The following ABCC3 variants were observed in gnomAD, a reference collection of about 807,000 sequenced individuals.
ABCC3 encodes the protein ATP binding cassette subfamily C member 3.
ABCC3 carries 121 observed loss-of-function variants against 165.3 expected under a neutral mutation model. The observed-to-expected ratio is 0.73, with a 90% CI of 0.63 to 0.85. ABCC3 has a LOEUF of 0.85. Ranked by LOEUF, ABCC3 falls within the 40% of genes least tolerant of loss-of-function variation. The probability of loss-of-function intolerance (pLI) is 0.00; values close to 1 mark genes in which losing one functional copy is unlikely to be tolerated. For synonymous variants in ABCC3, 733 were observed against 810.1 expected, an observed-to-expected ratio of 0.90 and a Z score of 1.62; for missense variants, 1,869 against 1,964.1, an observed-to-expected ratio of 0.95 and a Z score of 0.92.
chr17:50,652,270 G>A (rs1307157410), intron 1 of ABCC3, among the ~76,000 whole-genome samples: 2 of 152,144 alleles, frequency 1.3e-5, no homozygotes, highest in African/African-American at 2.4e-5. Flanking sequence ...CCATGTTCCA[G>A]GTACAGTAAT....
intron 1 of ABCC3, among the ~76,000 whole-genome samples, chr17:50,642,341 G>A (rs752527970): frequency 1.4e-4 from 21 of 152,222 alleles, no homozygotes; most frequent in Admixed American, 7.2e-4. Flanking sequence ...GCCTCCTAGG[G>A]AGGGCCCTGC....
chr17:50,651,036 G>A (rs1208808798), intron 1 of ABCC3, among the ~76,000 whole-genome samples: 1 of 142,590 alleles, frequency 7.0e-6, no homozygotes, highest in Non-Finnish European at 1.5e-5. Context: ...CTGCACTCCA[G>A]CCTGGGTGAC....
At chr17:50,658,260 C>A in intron 5 of ABCC3, 53 bp downstream of exon 5, 1 of 1,613,136 alleles carries the variant, frequency 6.2e-7, no homozygotes, top group African/African-American at 1.3e-5. Flanking sequence ...CTCAGCCCAA[C>A]TCTGACCAGC....
chr17:50,678,116 T>C lies in ABCC3; in HGVS notation c.3602T>C (p.Phe1201Ser). The change falls in exon 25 of 31, where the codon TTC becomes TCC. Residue 1201 changes from phenylalanine to serine, a missense_variant. Coordinates refer to ENST00000285238, the MANE Select transcript of ABCC3 (RefSeq NM_003786.4). ...AGGTGGCTGAGCATCGGAGTGGAGT[T>C]CGTGGGGAACTGCGTGGTGCTCTTT... Reference protein sequence around the residue: ...SNRWLSIGVEFVGNCVVLFAA... With the variant: ...SNRWLSIGVESVGNCVVLFAA... The C allele has an allele frequency of 6.3e-7, 1 of 1,594,864 alleles. No homozygotes were observed. Among genetic ancestry groups the C allele is most frequent in the Non-Finnish European group, 8.6e-7 (1 of 1,169,380 alleles).
At chr17:50,671,396 A>G (rs1967643571) in intron 17 of ABCC3, among the ~76,000 whole-genome samples, 1 of 151,944 alleles carries the variant, frequency 6.6e-6, no homozygotes, top group Non-Finnish European at 1.5e-5. Flanking sequence ...CTATTAAGCA[A>G]CTCCTCATTC....
chr17:50,668,716 C>T (rs996612593), intron 14 of ABCC3, 137 bp from the exon 15 acceptor site: 2 of 816,294 alleles, frequency 2.5e-6, no homozygotes, highest in South Asian at 1.6e-5. Flanking sequence ...TCCCTTTCTT[C>T]CTCCCTTTTC....
chr17:50,674,157 C>G (rs1433337254), intron 19 of ABCC3: 1 of 151,166 alleles, frequency 6.6e-6, no homozygotes, highest in Non-Finnish European at 1.5e-5. Context: ...ACCTCTGCCT[C>G]CCAGGTTCAA....
chr17:50,671,970 C>T (rs776767938), intron 17 of ABCC3, among the ~76,000 whole-genome samples: 1 of 152,008 alleles, frequency 6.6e-6, no homozygotes, highest in Non-Finnish European at 1.5e-5. Flanking sequence ...GATCCACCCA[C>T]CTCGACCTCC....
Position 50,685,725 on chromosome 17 carries a change from T to C in ABCC3, c.4280+850T>C, listed in dbSNP as rs548123131. Among the ~76,000 whole-genome samples the C allele has an allele frequency of 4.9e-3, 739 of 152,356 alleles. 4 individuals carry two copies. Among genetic ancestry groups the C allele is most frequent in the Non-Finnish European group, 7.2e-3 (489 of 68,028 alleles). On this transcript the variant is annotated intron_variant, in intron 29 of 30. Transcript: ENST00000285238. ...CCACATGGGGCCAGTGGCTACCACC[T>C]GGACAGAGCAGTGTTAGGGTCAGTG... is the stretch of plus-strand genomic sequence containing the variant.
At chr17:50,647,634 A>C (rs1967027496) in intron 1 of ABCC3, among the ~76,000 whole-genome samples, 2 of 152,196 alleles carry the variant, frequency 1.3e-5, no homozygotes, top group African/African-American at 2.4e-5. Flanking sequence ...GACAGCAAGG[A>C]ATGCTTGCCA....
chr17:50,679,791 T>C lies in ABCC3; in HGVS notation c.3706-7T>C. Reference sequence around the variant, plus strand: ...CGCCATACGTATAACCCAGTCCCTTTGGCCAGGTGACATTTGCTCTGAACT... The same window carrying C: ...CGCCATACGTATAACCCAGTCCCTTCGGCCAGGTGACATTTGCTCTGAACT... On this transcript the variant is annotated splice_region_variant and splice_polypyrimidine_tract_variant and intron_variant, in intron 25 of 30. Coordinates refer to ENST00000285238, the MANE Select transcript of ABCC3 (RefSeq NM_003786.4). The C allele has an allele frequency of 6.2e-7, 1 of 1,613,754 alleles. No individual in the cohort carries two copies. Among genetic ancestry groups the C allele is most frequent in the Non-Finnish European group, 8.5e-7 (1 of 1,179,672 alleles).
At chr17:50,647,067 C>T (rs1335775111) in intron 1 of ABCC3, among the ~76,000 whole-genome samples, 3 of 152,184 alleles carry the variant, frequency 2.0e-5, no homozygotes, top group African/African-American at 4.8e-5. Context: ...TTAGTAGAGA[C>T]GGGATTTCAC....
intron 1 of ABCC3, among the ~76,000 whole-genome samples, chr17:50,636,414 T>C (rs1253154225): frequency 6.6e-6 from 1 of 152,154 alleles, no homozygotes; most frequent in Non-Finnish European, 1.5e-5. Context: ...TCTCTCTTTT[T>C]CTGTGGGTGA....
At chr17:50,648,225 T>C (rs1001832274) in intron 1 of ABCC3, among the ~76,000 whole-genome samples, 5 of 151,896 alleles carry the variant, frequency 3.3e-5, no homozygotes, top group Non-Finnish European at 7.4e-5. Context: ...TTTTGGAAAG[T>C]GAGAAACAGG....
At chr17:50,658,056 T>TGAC (rs760355365) in intron 4 of ABCC3, 26 bp from the exon 5 acceptor site, 3 of 1,613,960 alleles carry the variant, frequency 1.9e-6, no homozygotes, top group Non-Finnish European at 2.5e-6. Flanking sequence ...CCAGTGCTTC[T>TGAC]GACGCCCCTC....
At chr17:50,650,421 T>C (rs1236588417) in intron 1 of ABCC3, among the ~76,000 whole-genome samples, 1 of 152,184 alleles carries the variant, frequency 6.6e-6, no homozygotes, top group East Asian at 1.9e-4. Flanking sequence ...ACTTTTATTC[T>C]TAAAAAACTT....
At chr17:50,654,285 A>T (rs537154759) in intron 1 of ABCC3, among the ~76,000 whole-genome samples, 3 of 152,318 alleles carry the variant, frequency 2.0e-5, no homozygotes, top group African/African-American at 7.2e-5. Context: ...TGCATCTCTA[A>T]AAAACATCTA....
In ABCC3 at chr17:50,669,370, C is replaced by A. The variant is rs1320362406; in HGVS notation, c.2083C>A (p.Pro695Thr). 6.2e-7 allele frequency: 1 copy of A among 1,614,226 alleles called. No individual in the cohort carries two copies. The highest frequency in any genetic ancestry group is 8.5e-7 in the Non-Finnish European group (1 of 1,180,040). Residue 695 changes from proline to threonine, a missense_variant, in exon 17 of 31, where the codon CCC becomes ACC. Transcript: ENST00000285238. Reference sequence around the variant, plus strand: ...TGGCCAGGGCTCCGTGGCCTATGTGCCCCAGCAGGCATGGATCCAGAACTG... The same window carrying A: ...TGGCCAGGGCTCCGTGGCCTATGTGACCCAGCAGGCATGGATCCAGAACTG... ...VHMKGSVAYV[P>T]QQAWIQNCTL...
rs183967129 is a variant in ABCC3 at position 50,673,567 on chromosome 17, A to T, written c.2508A>T (p.Pro836=). Residue 836 remains proline, a synonymous_variant, in exon 19 of 31, where the codon CCA becomes CCT. Coordinates refer to ENST00000285238, the MANE Select transcript of ABCC3 (RefSeq NM_003786.4). The part of the protein sequence containing the change: ...DGQVSEMGPY[P]ALLQRNGSFA... ...AGGTGTCTGAGATGGGCCCGTACCC[A>T]GCCCTGCTGCAGCGCAACGGCTCCT... 4.3e-6 allele frequency: 7 copies of T among 1,614,182 alleles called. No individual in the cohort carries two copies. The Admixed American group carries it at 1.2e-4, about 27-fold the overall frequency.
Sources: allele counts gnomAD v4.1 joint callset (sites outside exome capture counted in the v4.1 genomes callset), GRCh38; gene constraint gnomAD v4.1.1; transcripts MANE v1.5; gene names NCBI Gene and HGNC (gene_info 2026-07-23, HGNC 2026-07-21).